Variants in KMT2C observed in about 807,000 individuals in gnomAD.
The protein encoded by KMT2C is lysine methyltransferase 2C.
A neutral mutation model predicts 507.9 loss-of-function variants in KMT2C; 88 were observed. The observed-to-expected ratio is 0.17, with a 90% CI of 0.15 to 0.21. KMT2C has a LOEUF of 0.21. Ranked by LOEUF, KMT2C falls within the 10% of genes least tolerant of loss-of-function variation. The pLI is 1.00. For synonymous variants in KMT2C, 2,049 were observed against 2,080.8 expected (o/e 0.98, Z 0.42); for missense variants, 4,954 against 5,957.8 (o/e 0.83, Z 5.55).
At chr7:152,399,720 G>A (rs1448882456) in intron 1 of KMT2C, among the ~76,000 whole-genome samples, 2 of 151,806 alleles carry the variant, frequency 1.3e-5, no homozygotes, top group African/African-American at 4.8e-5. Flanking sequence ...ACAGGTAAGA[G>A]GGAGGGCAAC....
At position 152,207,516 on chromosome 7, in the gene KMT2C, T is replaced by G. The variant is rs1368246931; in HGVS notation, c.3713-88A>C. The G allele has an allele frequency of 2.5e-6, 3 of 1,201,122 alleles. No individual in the cohort carries two copies. In the African/African-American group the frequency reaches 4.7e-5, roughly 19 times the overall value. 74.4% of individuals were successfully genotyped at this position (1,201,122 alleles called of 1,614,324 possible). Reference sequence around the variant, plus strand: ...AATGGGGAATAAAAAGTAGGGTTGTTGCTGAGCCATTTTAATTGTACATCC... The same window carrying G: ...AATGGGGAATAAAAAGTAGGGTTGTGGCTGAGCCATTTTAATTGTACATCC... On this transcript the variant is annotated intron_variant, in intron 23 of 58. Transcript: ENST00000262189.
chr7:152,395,217 C>T (rs886661541), intron 1 of KMT2C, among the ~76,000 whole-genome samples: 1 of 152,158 alleles, frequency 6.6e-6, no homozygotes, highest in African/African-American at 2.4e-5. Context: ...CAGGGTCTTG[C>T]TCTGTTGCAC....
At position 152,181,002 on chromosome 7, in the gene KMT2C, T is replaced by C. The variant is rs1430083989; in HGVS notation, c.6858A>G (p.Thr2286=). Residue 2286 remains threonine, a synonymous_variant, in exon 36 of 59, where the codon ACA becomes ACG. Transcript: ENST00000262189. ...CAGCAGATGGGGAAACACGGCTAAA[T>C]GTGTCTGAAAGACCAGGTCCAGGGG... The part of the protein sequence containing the change: ...PRPPGPGLSD[T]FSRVSPSAAR... 22 of 1,613,998 alleles carry C rather than the reference T, an allele frequency of 1.4e-5. No homozygotes were observed. The highest frequency in any genetic ancestry group is 1.6e-4 in the Middle Eastern group (1 of 6,084).
chr7:152,389,352 CAAAAA>C (rs386411673), intron 1 of KMT2C, among the ~76,000 whole-genome samples: 3 of 77,686 alleles, frequency 3.9e-5, no homozygotes, highest in African/African-American at 4.1e-5. Flanking sequence ...GACTCCGTCT[CAAAAA>C]AAAAAAAAAA....
chr7:152,358,651 T>C lies in KMT2C; in HGVS notation c.186A>G (p.Ala62=). ...CATCCATGCTGTCCTCATCTTCCAC[T>C]GCAGTTTTCCCCCTACTTCGAGGTC... ...RKKPRSRGKT[A]VEDEDSMDGL... is the part of the protein sequence containing the mutation. The change falls in exon 2 of 59, where the codon GCA becomes GCG. Residue 62 remains alanine (A), a synonymous_variant. Transcript: ENST00000262189. 1 of 1,608,492 alleles carries C rather than the reference T, an allele frequency of 6.2e-7. No individual in the cohort carries two copies. Among genetic ancestry groups the C allele is most frequent in the South Asian group, 1.1e-5 (1 of 89,924 alleles).
chr7:152,137,154 G>C lies in KMT2C; in HGVS notation c.14644-230C>G, dbSNP rs188103015. ...TTTAAACAGCGAGATCTGAGAACGG[G>C]AGCCTGACCAGAGAAAGCTGTATTT... On this transcript the variant is annotated intron_variant, in intron 58 of 58. Coordinates refer to ENST00000262189, the MANE Select transcript of KMT2C (RefSeq NM_170606.3). 6.1e-5 allele frequency: 29 copies of C among 476,690 alleles called. No homozygotes were observed. The South Asian group carries it at 7.3e-4, about 12-fold the overall frequency. 29.5% of individuals were successfully genotyped at this position (476,690 alleles called of 1,614,324 possible).
At chr7:152,240,510 T>C (rs111356552) in intron 14 of KMT2C, among the ~76,000 whole-genome samples, 72 of 152,380 alleles carry the variant, frequency 4.7e-4, no homozygotes, top group African/African-American at 1.7e-3. Flanking sequence ...AAGTTGATGC[T>C]TCCCATATTC....
At chr7:152,421,988 G>A (rs2097780010) in intron 1 of KMT2C, among the ~76,000 whole-genome samples, 2 of 152,072 alleles carry the variant, frequency 1.3e-5, no homozygotes, top group Admixed American at 6.6e-5. Flanking sequence ...AATAGTCAAA[G>A]GTTAGCAGAA....
rs1398982284 is a variant in KMT2C at position 152,135,506 on chromosome 7, A to G, written c.*1326T>C. The G allele has an allele frequency of 8.9e-6, 2 of 223,582 alleles. No individual in the cohort carries two copies. Among genetic ancestry groups the G allele is most frequent in the Non-Finnish European group, 1.8e-5 (2 of 112,100 alleles). The allele number at this position is 223,582 out of a possible 1,614,324, so 13.8% of individuals were successfully genotyped here. ...GTCCTGCAGCTGTAAGCATAATCAC[A>G]TCTCCTTTTTTTTTTTAACTTTTTC... On this transcript the variant is annotated 3_prime_UTR_variant, in exon 59 of 59. Transcript: ENST00000262189.
chr7:152,138,416 G>A lies in KMT2C; in HGVS notation c.14643+380C>T, dbSNP rs6944296. 6.8e-3 allele frequency: 1,187 copies of A among 174,628 alleles called. 20 individuals are homozygous for A. The highest frequency in any genetic ancestry group is 0.027 in the African/African-American group (1,140 of 41,746). 10.8% of individuals were successfully genotyped at this position (174,628 alleles called of 1,614,324 possible). On this transcript the variant is annotated intron_variant, in intron 58 of 58. Coordinates refer to ENST00000262189, the MANE Select transcript of KMT2C (RefSeq NM_170606.3). This position sits in a 1 kb window ranked among gnomAD's most constrained non-coding sequence, Gnocchi z 4.2. ...CCACAGCCCAACAGTGCCATCTCAG[G>A]AGCCACGGCCCCCTTGGAGAAGGAC...
At chr7:152,260,068 A>T (rs1288844132) in intron 9 of KMT2C, among the ~76,000 whole-genome samples, 4 of 152,216 alleles carry the variant, frequency 2.6e-5, no homozygotes, top group Non-Finnish European at 5.9e-5. Context: ...CATCCCTGTG[A>T]GGTAAGTACC....
intron 6 of KMT2C, among the ~76,000 whole-genome samples, chr7:152,305,312 C>G (rs980912043): frequency 6.6e-6 from 1 of 152,180 alleles, no homozygotes; most frequent in South Asian, 2.1e-4. Flanking sequence ...TCTTTGACAG[C>G]AAGCCTAGCA....
At chr7:152,196,875 C>A (rs771170582) in intron 27 of KMT2C, among the ~76,000 whole-genome samples, 3 of 151,924 alleles carry the variant, frequency 2.0e-5, no homozygotes, top group Non-Finnish European at 4.4e-5. Context: ...GGTTTGCCAA[C>A]GAGAGGCCAG....
At chr7:152,434,183 T>C (rs1435942558) in intron 1 of KMT2C, among the ~76,000 whole-genome samples, 1 of 152,256 alleles carries the variant, frequency 6.6e-6, no homozygotes, top group Non-Finnish European at 1.5e-5. Flanking sequence ...TACTTGCCAC[T>C]GTATTACAAC....
At chr7:152,142,106 C>A (rs17173350) in intron 55 of KMT2C, among the ~76,000 whole-genome samples, 3 of 152,088 alleles carry the variant, frequency 2.0e-5, no homozygotes, top group Non-Finnish European at 4.4e-5. Flanking sequence ...TGGAAGAAAG[C>A]GAAATTGTAT....
intron 23 of KMT2C, among the ~76,000 whole-genome samples, chr7:152,218,285 T>C (rs2094641492): frequency 6.6e-6 from 1 of 152,116 alleles, no homozygotes; most frequent in African/African-American, 2.4e-5. Flanking sequence ...TGCCTCTGCC[T>C]CCCGAGTAGC....
intron 6 of KMT2C, among the ~76,000 whole-genome samples, chr7:152,290,153 T>A (rs62492950): frequency 9.0e-3 from 989 of 109,826 alleles, no homozygotes; most frequent in Non-Finnish European, 9.5e-3. Flanking sequence ...TTAGTAATCT[T>A]ATAAAATCAT....
chr7:152,350,750 CT>C (rs2097104131), intron 2 of KMT2C, among the ~76,000 whole-genome samples: 1 of 152,144 alleles, frequency 6.6e-6, no homozygotes, highest in African/African-American at 2.4e-5. Flanking sequence ...TACACTTAGG[CT>C]ACACCAAATT....
Position 152,282,225 on chromosome 7 carries a change from A to G in KMT2C, c.850-8358T>C, listed in dbSNP as rs535412889. On this transcript the variant is annotated intron_variant, in intron 6 of 58. Coordinates refer to ENST00000262189, the MANE Select transcript of KMT2C (RefSeq NM_170606.3). ...GGCAGGAGAATCGCTTGAACCCAAG[A>G]GGTGGAGGCTGCAGTGAGCCAAGAT... 3.6e-3 allele frequency among the ~76,000 whole-genome samples: 545 copies of G among 151,216 alleles called. 3 individuals carry two copies. Among genetic ancestry groups the G allele is most frequent in the African/African-American group, 0.013 (523 of 41,180 alleles).
Sources: allele counts gnomAD v4.1 joint callset (sites outside exome capture counted in the v4.1 genomes callset), GRCh38; gene constraint gnomAD v4.1.1; non-coding constraint Gnocchi (gnomAD v3.1); transcripts MANE v1.5; gene names NCBI Gene and HGNC (gene_info 2026-07-23, HGNC 2026-07-21).